The following RUBCNL variants were observed in gnomAD, a reference collection of about 807,000 sequenced individuals.
RUBCNL encodes the protein rubicon like autophagy enhancer.
Under a neutral mutation model 69.5 loss-of-function variants are expected in RUBCNL, and 62 were observed. That is an observed-to-expected ratio of 0.89 (90% CI 0.73 to 1.10). The LOEUF (loss-of-function observed/expected upper bound fraction) is 1.10. RUBCNL is among the 50% of genes least tolerant of loss of function. The pLI is 0.00. For missense variants in RUBCNL, 768 were observed against 798.1 expected (o/e 0.96, Z 0.45); for synonymous variants, 291 against 303.6 (o/e 0.96, Z 0.43).
chr13:46,343,644 A>C, intron 14 of RUBCNL, 147 bp from the exon 15 acceptor site: 1 of 736,692 alleles, frequency 1.4e-6, no homozygotes, highest in South Asian at 1.9e-5. Flanking sequence ...GCTGAAACGC[A>C]CGTTTCAGCA....
chr13:46,347,490 A>G (rs895091952), intron 12 of RUBCNL, among the ~76,000 whole-genome samples: 1 of 152,182 alleles, frequency 6.6e-6, no homozygotes, highest in Non-Finnish European at 1.5e-5. Context: ...TAAACTTCCA[A>G]AAGTACAATT....
At position 46,368,266 on chromosome 13, in the gene RUBCNL, C is replaced by T. The variant is rs1279366091; in HGVS notation, c.619-17G>A. The T allele has an allele frequency of 6.2e-7, 1 of 1,602,168 alleles. No individual in the cohort carries two copies. The highest frequency in any genetic ancestry group is 1.3e-5 in the African/African-American group (1 of 74,638). On this transcript the variant is annotated splice_polypyrimidine_tract_variant and intron_variant, in intron 4 of 14. Transcript: ENST00000429979. ...GGCATTTTCCTGCAGAAAAAGAAATCAATTAAAATACAAGCATAATCAACT... is the reference window on the plus strand; with the variant it reads ...GGCATTTTCCTGCAGAAAAAGAAATTAATTAAAATACAAGCATAATCAACT...
chr13:46,383,876 T>G (rs570737429), intron 1 of RUBCNL, among the ~76,000 whole-genome samples: 1 of 152,340 alleles, frequency 6.6e-6, no homozygotes, highest in East Asian at 1.9e-4. Context: ...GAGGAGCTAT[T>G]TTCAAATGAC....
rs768180920 is a variant in RUBCNL, at chr13:46,336,756, G to A, written c.*6629C>T. 6.6e-6 allele frequency among the ~76,000 whole-genome samples: 1 copy of A among 152,082 alleles called. No individual in the cohort carries two copies. The highest frequency in any genetic ancestry group is 1.5e-5 in the Non-Finnish European group (1 of 68,020). On this transcript the variant is annotated 3_prime_UTR_variant, in exon 15 of 15. Transcript: ENST00000429979. ...TGTAGGTAAAGGAAGAAAGAGGTGT[G>A]GAAGCGATGGCAAACATTAAAAACT...
At chr13:46,359,656 G>A in intron 8 of RUBCNL, 25 bp from the exon 9 acceptor site, 18 of 1,519,746 alleles carry the variant, frequency 1.2e-5, no homozygotes, top group East Asian at 7.1e-5. Context: ...AAATGATTTA[G>A]GAACAACTTA....
At position 46,359,705 on chromosome 13, in the gene RUBCNL, A is replaced by G. The variant is rs902214851; in HGVS notation, c.1120-74T>C. On this transcript the variant is annotated intron_variant, in intron 8 of 14. Transcript: ENST00000429979. The stretch of plus-strand genomic sequence containing the variant: ...GAATTTAAATTAAAGAAACATCTAA[A>G]TGTATTTCCAACATTAAAATTTACC... 3 of 1,322,646 alleles carry G rather than the reference A, an allele frequency of 2.3e-6. No individual in the cohort carries two copies. The African/African-American group carries it at 4.4e-5, about 20-fold the overall frequency. The allele number at this position is 1,322,646 out of a possible 1,614,324, so 81.9% of individuals were successfully genotyped here.
At chr13:46,344,960 T>TTA (rs2048213450) in intron 13 of RUBCNL, 129 bp from the exon 14 acceptor site, 1 of 641,862 alleles carries the variant, frequency 1.6e-6, no homozygotes, top group Non-Finnish European at 2.7e-6. Flanking sequence ...GAAAAGGATG[T>TTA]TGTTTTGCAG....
chr13:46,347,865 C>A (rs375141238), intron 12 of RUBCNL, among the ~76,000 whole-genome samples: 4 of 151,940 alleles, frequency 2.6e-5, no homozygotes, highest in African/African-American at 9.7e-5. Flanking sequence ...TGGTTGCGGG[C>A]GCCTGTAGTC....
At position 46,372,305 on chromosome 13, in the gene RUBCNL, C is replaced by A. The variant is rs755204869; in HGVS notation, c.171G>T (p.Gln57His). 1 of 1,614,012 alleles carries A rather than the reference C, an allele frequency of 6.2e-7. No individual in the cohort carries two copies. Among genetic ancestry groups the A allele is most frequent in the East Asian group, 2.2e-5 (1 of 44,890 alleles). The change falls in exon 3 of 15, where the codon CAG becomes CAT. Residue 57 changes from glutamine (Q) to histidine (H), a missense_variant. Physicochemically the swap from Gln to His is conservative, Grantham distance 24 (BLOSUM62 0). Transcript: ENST00000429979. ...AGTCCTGCGGCTGTTGCTGCACATCCTGGGGGTTAATCCAGACAGCTTTGT... is the reference window on the plus strand; with the variant it reads ...AGTCCTGCGGCTGTTGCTGCACATCATGGGGGTTAATCCAGACAGCTTTGT... ...MRHKAVWINP[Q>H]DVQQQPQDLQ... is the part of the protein sequence containing the mutation.
chr13:46,380,143 G>A (rs2049087402), intron 1 of RUBCNL, among the ~76,000 whole-genome samples: 1 of 152,160 alleles, frequency 6.6e-6, no homozygotes, highest in Non-Finnish European at 1.5e-5. Flanking sequence ...TAATTTTGAA[G>A]GTTTGCTGTC....
chr13:46,343,630 C>G (rs2048180931), intron 14 of RUBCNL, 133 bp from the exon 15 acceptor site: 1 of 897,438 alleles, frequency 1.1e-6, no homozygotes, highest in South Asian at 1.8e-5. Context: ...AAGAAACCAG[C>G]CAGGCTGAAA....
chr13:46,353,655 G>A (rs1346487919), intron 10 of RUBCNL, among the ~76,000 whole-genome samples: 1 of 152,200 alleles, frequency 6.6e-6, no homozygotes, highest in Admixed American at 6.5e-5. Flanking sequence ...CCACGACAAA[G>A]TCCATGGTAC....
In RUBCNL at chr13:46,371,930, A is replaced by C. The variant is rs372387133; in HGVS notation, c.535+11T>G. The C allele has an allele frequency of 6.2e-7, 1 of 1,613,192 alleles. No individual in the cohort carries two copies. The highest frequency in any genetic ancestry group is 8.5e-7 in the Non-Finnish European group (1 of 1,179,428). Reference sequence around the variant, plus strand: ...CAGAGAGGAATGAGGGAGGTCACCTACTAAAATTACCTTCATCAGCAGCAG... The same window carrying C: ...CAGAGAGGAATGAGGGAGGTCACCTCCTAAAATTACCTTCATCAGCAGCAG... On this transcript the variant is annotated intron_variant, in intron 3 of 14. Transcript: ENST00000429979.
chr13:46,386,518 T>C (rs2138866518), intron 1 of RUBCNL, among the ~76,000 whole-genome samples: 1 of 148,988 alleles, frequency 6.7e-6, no homozygotes, highest in Non-Finnish European at 1.5e-5. Flanking sequence ...AGGGGATCTG[T>C]ATCAGTCTCA....
Position 46,354,108 on chromosome 13 carries a change from G to C in RUBCNL, c.1330+2324C>G, listed in dbSNP as rs373924486. Among the ~76,000 whole-genome samples the C allele has an allele frequency of 2.2e-3, 341 of 152,174 alleles. 4 individuals are homozygous for C. The highest frequency in any genetic ancestry group is 0.012 in the South Asian group (56 of 4,824). On this transcript the variant is annotated intron_variant, in intron 10 of 14. Transcript: ENST00000429979. ...ATAGAGAATTGTTTTTAATTTTTTT[G>C]GTGTGATAACTTGTTTCTTATCCTT...
chr13:46,386,620 G>A (rs2138867330), intron 1 of RUBCNL, among the ~76,000 whole-genome samples: 1 of 152,234 alleles, frequency 6.6e-6, no homozygotes, highest in East Asian at 1.9e-4. Flanking sequence ...AGTGGGGGTT[G>A]CTATGTAGGG....
At chr13:46,361,279 T>C (rs901939094) in intron 8 of RUBCNL, among the ~76,000 whole-genome samples, 162 bp downstream of exon 8, 2 of 152,208 alleles carry the variant, frequency 1.3e-5, no homozygotes, top group African/African-American at 2.4e-5. Flanking sequence ...CAGTCTCTGG[T>C]ACACAATAAG....
rs1484809055 is a variant in RUBCNL at position 46,372,378 on chromosome 13, A to C, written c.98T>G (p.Leu33Arg). 6.2e-7 allele frequency: 1 copy of C among 1,614,006 alleles called. No homozygotes were observed. The highest frequency in any genetic ancestry group is 1.1e-5 in the South Asian group (1 of 91,074). ...SGIIDGSPRL[L>R]NTDHPPCQLD... Reference sequence around the variant, plus strand: ...TTGGCAAGGAGGATGGTCAGTGTTCAGGAGTCTGGGCGAACCATCAATAAT... The same window carrying C: ...TTGGCAAGGAGGATGGTCAGTGTTCCGGAGTCTGGGCGAACCATCAATAAT... Residue 33 changes from leucine (L) to arginine (R), a missense_variant, in exon 3 of 15, where the codon CTG (leucine) becomes CGG (arginine). Leu to Arg is a moderately radical substitution (Grantham distance 102, BLOSUM62 -2). Coordinates refer to ENST00000429979, the MANE Select transcript of RUBCNL (RefSeq NM_025113.5).
At chr13:46,385,179 G>A (rs2049211053) in intron 1 of RUBCNL, 1 of 593,836 alleles carries the variant, frequency 1.7e-6, no homozygotes, top group Admixed American at 6.3e-5. Flanking sequence ...TCCTATGAAG[G>A]TTAGCTTTAT....
Sources: allele counts gnomAD v4.1 joint callset (sites outside exome capture counted in the v4.1 genomes callset), GRCh38; gene constraint gnomAD v4.1.1; transcripts MANE v1.5; gene names NCBI Gene and HGNC (gene_info 2026-07-23, HGNC 2026-07-21).